Variants in MECOM observed in about 807,000 individuals in gnomAD.
MECOM encodes histone-lysine N-methyltransferase MECOM.
A neutral mutation model predicts 116.3 loss-of-function variants in MECOM; 13 were observed. The ratio of observed to expected loss-of-function variants is 0.11; its 90% CI spans 0.07 to 0.18. The LOEUF (loss-of-function observed/expected upper bound fraction) is 0.18, where lower values mean the gene tolerates loss of function less well. Ranked by LOEUF, MECOM falls within the 10% of genes least tolerant of loss-of-function variation. The pLI is 1.00. For missense variants in MECOM, 1,299 were observed against 1,509.0 expected (o/e 0.86, Z 2.31); for synonymous variants, 528 against 535.2 (o/e 0.99, Z 0.19).
chr3:169,356,075 G>A lies in MECOM; in HGVS notation c.375+25112C>T, dbSNP rs748848539. On this transcript the variant is annotated intron_variant, in intron 2 of 16. Coordinates refer to ENST00000651503, the MANE Select transcript of MECOM (RefSeq NM_004991.4). ...TAAGAAAGCTTTTTTGTTTAAAGTG[G>A]CCCTTCAGACTTTTAACCTCTCATC... 2.6e-5 allele frequency among the ~76,000 whole-genome samples: 4 copies of A among 151,724 alleles called. No individual in the cohort carries two copies. In the East Asian group the frequency reaches 7.8e-4, roughly 30 times the overall value.
chr3:169,221,779 T>C (rs575442018), intron 2 of MECOM, among the ~76,000 whole-genome samples: 1 of 152,178 alleles, frequency 6.6e-6, no homozygotes, highest in South Asian at 2.1e-4. Flanking sequence ...TATCTACGTA[T>C]CCACTTCATT....
intron 1 of MECOM, among the ~76,000 whole-genome samples, chr3:169,568,590 A>G (rs987132459): frequency 2.6e-5 from 4 of 152,204 alleles, no homozygotes; most frequent in Admixed American, 2.0e-4. Context: ...CACAGTGTAA[A>G]CAAAGCCACC....
At chr3:169,420,158 G>A (rs1739461058) in intron 1 of MECOM, among the ~76,000 whole-genome samples, 1 of 152,138 alleles carries the variant, frequency 6.6e-6, no homozygotes, top group Non-Finnish European at 1.5e-5. Flanking sequence ...TACACTGTTG[G>A]TGGGAGTGTA....
Position 169,148,953 on chromosome 3 carries a change from T to C in MECOM, c.376-5121A>G, listed in dbSNP as rs532365555. ...GGTAGGTAGGACAGGAAAAATCCTT[T>C]GTAAATAACCTAAAACCCGGTCAGA... On this transcript the variant is annotated intron_variant, in intron 2 of 16. Transcript: ENST00000651503. Among the ~76,000 whole-genome samples, 6 of 152,192 alleles carry C rather than the reference T, an allele frequency of 3.9e-5. No homozygotes were observed. The South Asian group carries it at 1.2e-3, about 32-fold the overall frequency.
chr3:169,382,879 A>AAAAAAAGAAG (rs1358767356), intron 1 of MECOM, among the ~76,000 whole-genome samples: 6 of 138,554 alleles, frequency 4.3e-5, no homozygotes, highest in Non-Finnish European at 7.8e-5. Flanking sequence ...AAAAATAAAA[A>AAAAAAAGAAG]AAGAAGGTAA....
At chr3:169,496,282 C>T (rs541250217) in intron 1 of MECOM, among the ~76,000 whole-genome samples, 15 of 152,242 alleles carry the variant, frequency 9.9e-5, no homozygotes, top group African/African-American at 3.6e-4. Context: ...GACAATACAC[C>T]CGTCTTTGGA....
chr3:169,275,749 G>A (rs572034499), intron 2 of MECOM, among the ~76,000 whole-genome samples: 2 of 152,098 alleles, frequency 1.3e-5, no homozygotes, highest in African/African-American at 4.8e-5. Context: ...AGATTAAATG[G>A]GTTGGCAATG....
chr3:169,089,312 T>G (rs896652109), intron 15 of MECOM, 129 bp from the exon 16 acceptor site: 7 of 558,538 alleles, frequency 1.3e-5, no homozygotes, highest in Non-Finnish European at 1.9e-5. Flanking sequence ...GTAGCATGCA[T>G]CAATTATTGG....
intron 2 of MECOM, among the ~76,000 whole-genome samples, chr3:169,358,205 T>A (rs550464244): frequency 6.6e-6 from 1 of 151,766 alleles, no homozygotes; most frequent in Non-Finnish European, 1.5e-5. Context: ...TTTGATGTAA[T>A]GTCATTTGCT....
At chr3:169,154,639 C>T (rs909720002) in intron 2 of MECOM, among the ~76,000 whole-genome samples, 10 of 152,224 alleles carry the variant, frequency 6.6e-5, no homozygotes, top group Non-Finnish European at 1.3e-4. Flanking sequence ...CAGTGAGTTC[C>T]GATTGCCTAA....
intron 1 of MECOM, among the ~76,000 whole-genome samples, chr3:169,600,647 G>A (rs919436240): frequency 4.6e-5 from 7 of 152,142 alleles, no homozygotes; most frequent in South Asian, 2.1e-4. Context: ...ATTATAAACC[G>A]CATTTCAGGA....
At chr3:169,236,081 T>C (rs1392776450) in intron 2 of MECOM, among the ~76,000 whole-genome samples, 2 of 152,174 alleles carry the variant, frequency 1.3e-5, no homozygotes, top group Admixed American at 1.3e-4. Context: ...AGGGCACTGA[T>C]GGTCTATAGT....
At chr3:169,384,808 A>T (rs1358725436) in intron 1 of MECOM, among the ~76,000 whole-genome samples, 1 of 152,124 alleles carries the variant, frequency 6.6e-6, no homozygotes, top group Non-Finnish European at 1.5e-5. Flanking sequence ...AGTGATCTTT[A>T]AAAAAGGATA....
chr3:169,599,352 TA>T (rs963647752), intron 1 of MECOM, among the ~76,000 whole-genome samples: 1 of 151,564 alleles, frequency 6.6e-6, no homozygotes, highest in African/African-American at 2.4e-5. Flanking sequence ...CATCTCTACT[TA>T]AAATACAAAA....
chr3:169,514,563 A>G (rs1211340609), intron 1 of MECOM, among the ~76,000 whole-genome samples: 1 of 152,248 alleles, frequency 6.6e-6, no homozygotes, highest in African/African-American at 2.4e-5. Context: ...GAAGCCTTGA[A>G]TGCCAAAACC....
At chr3:169,320,692 C>T (rs1447506442) in intron 2 of MECOM, among the ~76,000 whole-genome samples, 1 of 152,198 alleles carries the variant, frequency 6.6e-6, no homozygotes, top group South Asian at 2.1e-4. Context: ...TTTTGAAAAG[C>T]ATAGTCAATA....
At chr3:169,461,800 G>A (rs1747491192) in intron 1 of MECOM, among the ~76,000 whole-genome samples, 1 of 152,104 alleles carries the variant, frequency 6.6e-6, no homozygotes, top group African/African-American at 2.4e-5. Flanking sequence ...CATGATTTAA[G>A]GCATCTTATG....
chr3:169,609,297 A>G (rs932267418), intron 1 of MECOM, among the ~76,000 whole-genome samples: 3 of 152,082 alleles, frequency 2.0e-5, no homozygotes, highest in Non-Finnish European at 4.4e-5. Flanking sequence ...TTTTTGCCAT[A>G]TGCTACTGGG....
chr3:169,306,994 T>G (rs1168879795), intron 2 of MECOM, among the ~76,000 whole-genome samples: 1 of 152,208 alleles, frequency 6.6e-6, no homozygotes. Context: ...ACTGTCCACT[T>G]GATGCCAACA....
Sources: allele counts gnomAD v4.1 joint callset (sites outside exome capture counted in the v4.1 genomes callset), GRCh38; gene constraint gnomAD v4.1.1; transcripts MANE v1.5; gene names NCBI Gene and HGNC (gene_info 2026-07-23, HGNC 2026-07-21).